IFT56: variants seen among roughly 807,000 people sequenced by gnomAD.
IFT56 encodes the protein intraflagellar transport protein 56.
chr7:139,149,398 T>C, the IFT56 span, among the ~76,000 whole-genome samples: 1 of 151,942 alleles, frequency 6.6e-6, no homozygotes, highest in Admixed American at 6.6e-5. Flanking sequence ...ATCCTAGATA[T>C]CTCTTTTATC....
At chr7:139,181,931 AAC>A in the IFT56 span, among the ~76,000 whole-genome samples, 1 of 152,218 alleles carries the variant, frequency 6.6e-6, no homozygotes, top group Non-Finnish European at 1.5e-5. Context: ...AGCCCTGAAA[AAC>A]AGTGAGATTA....
the IFT56 span, among the ~76,000 whole-genome samples, chr7:139,141,129 C>T: frequency 1.3e-5 from 2 of 149,236 alleles, no homozygotes; most frequent in South Asian, 2.2e-4. Flanking sequence ...GGCGTGGTGG[C>T]GGGCGCCTGT....
chr7:139,161,230 T>TA, the IFT56 span: 6 of 478,440 alleles, frequency 1.3e-5, 2 homozygotes, highest in South Asian at 2.6e-4. Flanking sequence ...ATATATTTAA[T>TA]ATTTGGAAAG....
At chr7:139,157,139 C>CTTTTTTTTTTTTTTTTTT in the IFT56 span, among the ~76,000 whole-genome samples, 1 of 82,090 alleles carries the variant, frequency 1.2e-5, no homozygotes, top group Non-Finnish European at 2.5e-5. Context: ...TCTTTAATTT[C>CTTTTTTTTTTTTTTTTTT]TTTTTTTTTT....
the IFT56 span, chr7:139,146,936 C>A: frequency 2.1e-5 from 31 of 1,448,606 alleles, 1 homozygote; most frequent in East Asian, 8.0e-4. Context: ...TTTCCATTGT[C>A]GTTGTCAAGC....
chr7:139,157,139 CTTTTTTTTTT>C, the IFT56 span, among the ~76,000 whole-genome samples: 16 of 82,144 alleles, frequency 1.9e-4, no homozygotes, highest in East Asian at 1.0e-3. Context: ...TCTTTAATTT[CTTTTTTTTTT>C]TTTTTTTTTT....
At chr7:139,182,081 T>C in the IFT56 span, among the ~76,000 whole-genome samples, 1 of 150,734 alleles carries the variant, frequency 6.6e-6, no homozygotes, top group Non-Finnish European at 1.5e-5. Context: ...TTTGTGTGCA[T>C]GCTGGGGTGT....
the IFT56 span, chr7:139,166,774 TG>T: frequency 1.2e-6 from 1 of 834,558 alleles, no homozygotes; most frequent in Non-Finnish European, 2.0e-6. Context: ...TCTTATCTTT[TG>T]GGAGGACTGC....
At chr7:139,162,852 G>T in the IFT56 span, among the ~76,000 whole-genome samples, 2 of 151,848 alleles carry the variant, frequency 1.3e-5, no homozygotes, top group African/African-American at 4.8e-5. Flanking sequence ...CCAGCTACTC[G>T]GGAGGCCAGG....
chr7:139,133,879 T>G, the IFT56 span: 1 of 1,614,170 alleles, frequency 6.2e-7, no homozygotes. Context: ...CTCTGAATAG[T>G]AAGGGAGTAC....
chr7:139,142,102 TGGAC>T, the IFT56 span, among the ~76,000 whole-genome samples: 2 of 152,212 alleles, frequency 1.3e-5, no homozygotes, highest in Non-Finnish European at 2.9e-5. Context: ...CTACTGCAGG[TGGAC>T]ACCAGACTCA....
chr7:139,172,145 ATTAC>A, the IFT56 span, among the ~76,000 whole-genome samples: 28,663 of 147,988 alleles, frequency 0.19, 4,977 homozygotes, highest in African/African-American at 0.46. Context: ...AAAAAAAAAA[ATTAC>A]TTAATGCTAA....
At chr7:139,175,946 C>T in the IFT56 span, among the ~76,000 whole-genome samples, 7 of 152,194 alleles carry the variant, frequency 4.6e-5, no homozygotes, top group East Asian at 3.9e-4. Context: ...TCTCCTGCCT[C>T]GGCCTCCCGA....
At chr7:139,144,207 T>A in the IFT56 span, among the ~76,000 whole-genome samples, 1 of 152,136 alleles carries the variant, frequency 6.6e-6, no homozygotes, top group Non-Finnish European at 1.5e-5. Context: ...AGTTTTTGTC[T>A]AAACATATTT....
chr7:139,170,106 C>T, the IFT56 span, among the ~76,000 whole-genome samples: 1 of 152,090 alleles, frequency 6.6e-6, no homozygotes, highest in Admixed American at 6.6e-5. Context: ...AATTGGAAAA[C>T]CTAGAAGAAA....
the IFT56 span, among the ~76,000 whole-genome samples, chr7:139,171,716 G>A: frequency 6.6e-6 from 1 of 152,162 alleles, no homozygotes; most frequent in Non-Finnish European, 1.5e-5. Flanking sequence ...TGAAATCTAA[G>A]ACCTTAAATA....
chr7:139,161,181 A>G, the IFT56 span: 2 of 555,556 alleles, frequency 3.6e-6, no homozygotes, highest in South Asian at 5.6e-5. Flanking sequence ...TAAAGTACTA[A>G]TCTGTTTCCT....
At chr7:139,166,681 A>G in the IFT56 span, among the ~76,000 whole-genome samples, 2,971 of 152,346 alleles carry the variant, frequency 0.02, 102 homozygotes, top group African/African-American at 0.067. Context: ...TATTTTTAGC[A>G]TAACTACTCA....
chr7:139,162,619 T>G, the IFT56 span, among the ~76,000 whole-genome samples: 1 of 152,188 alleles, frequency 6.6e-6, no homozygotes, highest in Non-Finnish European at 1.5e-5. Flanking sequence ...GGTAAGTCAC[T>G]TAACATTGCT....
Sources: gnomAD v4.1 joint callset for allele counts (sites outside exome capture counted in the v4.1 genomes callset) on GRCh38, gnomAD v4.1.1 for gene constraint, MANE v1.5 for transcripts, NCBI Gene and HGNC (gene_info 2026-07-23, HGNC 2026-07-21) for gene names.